The following MAPK8 variants were observed in gnomAD, a reference collection of about 807,000 sequenced individuals.
MAPK8 encodes the protein mitogen-activated protein kinase 8.
In MAPK8, 13 loss-of-function variants were observed where a neutral mutation model predicts 52.9. The ratio of observed to expected loss-of-function variants is 0.25; its 90% CI spans 0.16 to 0.39. The LOEUF is 0.39. Among genes scored for constraint, MAPK8 ranks in the 10% least tolerant of loss-of-function variants. The pLI is 1.00. For missense variants in MAPK8, 300 were observed against 519.2 expected, an observed-to-expected ratio of 0.58 and a Z score of 4.10; for synonymous variants, 191 against 169.8, an observed-to-expected ratio of 1.12 and a Z score of -0.97.
intron 1 of MAPK8, among the ~76,000 whole-genome samples, chr10:48,392,664 C>T (rs1055018649): frequency 9.9e-5 from 15 of 151,752 alleles, no homozygotes; most frequent in African/African-American, 3.4e-4. Context: ...CCCATTCTCA[C>T]TCTTCCTCTC....
At chr10:48,414,659 C>CT (rs1271670864) in intron 5 of MAPK8, among the ~76,000 whole-genome samples, 1 of 147,640 alleles carries the variant, frequency 6.8e-6, no homozygotes, top group Non-Finnish European at 1.5e-5. Context: ...TTACTGCAGC[C>CT]TTTACCTCCT....
intron 5 of MAPK8, among the ~76,000 whole-genome samples, chr10:48,411,376 A>G (rs1051994675): frequency 6.6e-6 from 1 of 152,194 alleles, no homozygotes; most frequent in Admixed American, 6.5e-5. Context: ...GACTACTCTT[A>G]ACCCATTGAA....
chr10:48,316,314 C>T (rs758476622), intron 1 of MAPK8, among the ~76,000 whole-genome samples: 5 of 152,156 alleles, frequency 3.3e-5, no homozygotes, highest in African/African-American at 1.2e-4. Flanking sequence ...TGTACAGGTT[C>T]GTAGCCTAGG....
chr10:48,362,580 G>A (rs1847634718), intron 1 of MAPK8, among the ~76,000 whole-genome samples: 1 of 149,372 alleles, frequency 6.7e-6, no homozygotes, highest in African/African-American at 2.5e-5. Context: ...AGTGGGTAGG[G>A]GTTTCTAAAA....
chr10:48,375,030 C>G (rs2040565328), intron 1 of MAPK8, among the ~76,000 whole-genome samples: 1 of 152,190 alleles, frequency 6.6e-6, no homozygotes, highest in East Asian at 1.9e-4. Context: ...CATCAAAAAG[C>G]TTATCCACCA....
Position 48,435,053 on chromosome 10 carries a change from G to GC in MAPK8, c.*24_*25insC. On this transcript the variant is annotated 3_prime_UTR_variant, in exon 12 of 12. Transcript: ENST00000374189. ...GACTACTTGGGCCATCGGGGGGTGG[G>GC]AGGGATGGGGAGTCGGTTAGTCATT... The GC allele has an allele frequency of 2.7e-6, 3 of 1,095,530 alleles. No individual in the cohort carries two copies. Among genetic ancestry groups the GC allele is most frequent in the Non-Finnish European group, 3.9e-6 (3 of 771,392 alleles). The allele number at this position is 1,095,530 out of a possible 1,614,324, so 67.9% of individuals were successfully genotyped here. A position where few individuals can be genotyped will look rare whatever the true frequency, so the allele number is the denominator to read the frequency against.
intron 11 of MAPK8, 51 bp downstream of exon 11, chr10:48,431,321 T>A: frequency 8.2e-7 from 1 of 1,220,828 alleles, no homozygotes; most frequent in Non-Finnish European, 1.2e-6. Context: ...TCTTGTGTTG[T>A]AATCTTCAGT....
At chr10:48,387,484 T>G (rs185088231) in intron 1 of MAPK8, among the ~76,000 whole-genome samples, 1 of 152,132 alleles carries the variant, frequency 6.6e-6, no homozygotes, top group Non-Finnish European at 1.5e-5. Flanking sequence ...TTTTATAAAA[T>G]TGTGTAAGAT....
chr10:48,324,689 T>C (rs1843326076), intron 1 of MAPK8, among the ~76,000 whole-genome samples: 1 of 152,208 alleles, frequency 6.6e-6, no homozygotes, highest in South Asian at 2.1e-4. Flanking sequence ...ATTTAGTTTT[T>C]TTTTGGCTTA....
chr10:48,405,778 T>C (rs774226268), intron 3 of MAPK8, among the ~76,000 whole-genome samples: 3 of 152,210 alleles, frequency 2.0e-5, no homozygotes, highest in Non-Finnish European at 4.4e-5. Context: ...AAAGAGTTTA[T>C]ATAATATAAT....
chr10:48,351,660 A>G (rs988256740), intron 1 of MAPK8, among the ~76,000 whole-genome samples: 5 of 152,230 alleles, frequency 3.3e-5, no homozygotes, highest in Admixed American at 2.6e-4. Flanking sequence ...TGAAAAATAC[A>G]GTAACCAAAA....
intron 1 of MAPK8, among the ~76,000 whole-genome samples, chr10:48,365,641 C>T (rs530157732): frequency 1.2e-4 from 18 of 152,084 alleles, no homozygotes; most frequent in Non-Finnish European, 2.5e-4. Flanking sequence ...ATTATCCCAT[C>T]TTTTGAGAGA....
At chr10:48,363,379 G>A (rs1449122260) in intron 1 of MAPK8, among the ~76,000 whole-genome samples, 1 of 152,066 alleles carries the variant, frequency 6.6e-6, no homozygotes, top group Non-Finnish European at 1.5e-5. Context: ...GCTGGAGCTG[G>A]CAAGAAATCT....
chr10:48,372,947 G>A (rs2040414858), intron 1 of MAPK8, among the ~76,000 whole-genome samples: 2 of 152,064 alleles, frequency 1.3e-5, no homozygotes, highest in South Asian at 4.1e-4. Context: ...ATTCATCAAG[G>A]TTGAAATGAA....
chr10:48,420,446 T>C, intron 6 of MAPK8, 126 bp downstream of exon 6: 1 of 924,206 alleles, frequency 1.1e-6, no homozygotes, highest in East Asian at 2.8e-5. Context: ...TTGAAATGTG[T>C]ATCAAAAGTT....
chr10:48,375,270 C>G (rs971577843), intron 1 of MAPK8, among the ~76,000 whole-genome samples: 5 of 152,132 alleles, frequency 3.3e-5, no homozygotes, highest in Non-Finnish European at 7.4e-5. Flanking sequence ...ATGACAAACC[C>G]ACAGCCAATA....
chr10:48,362,642 T>A (rs2132542654), intron 1 of MAPK8, among the ~76,000 whole-genome samples: 1 of 151,998 alleles, frequency 6.6e-6, no homozygotes, highest in South Asian at 2.1e-4. Flanking sequence ...TCCAAGACCA[T>A]AGTTTTATGA....
intron 1 of MAPK8, among the ~76,000 whole-genome samples, chr10:48,364,034 T>G (rs1254687620): frequency 1.3e-5 from 2 of 152,222 alleles, no homozygotes; most frequent in African/African-American, 4.8e-5. Context: ...AGTTAATAAT[T>G]CATCCATTTC....
chr10:48,314,333 C>CT (rs1341443547), intron 1 of MAPK8, among the ~76,000 whole-genome samples: 1 of 152,070 alleles, frequency 6.6e-6, no homozygotes, highest in African/African-American at 2.4e-5. Context: ...TAGTTAACTC[C>CT]TAAAGGTCTC....
Sources: gnomAD v4.1 joint callset for allele counts (sites outside exome capture counted in the v4.1 genomes callset) on GRCh38, gnomAD v4.1.1 for gene constraint, MANE v1.5 for transcripts, NCBI Gene and HGNC (gene_info 2026-07-23, HGNC 2026-07-21) for gene names.